AKAP13: variants seen among roughly 807,000 people sequenced by gnomAD.
AKAP13 encodes A-kinase anchoring protein 13.
AKAP13 carries 80 observed loss-of-function variants against 264.5 expected under a neutral mutation model. That is an observed-to-expected ratio of 0.30 (90% confidence interval 0.25 to 0.36). The LOEUF (loss-of-function observed/expected upper bound fraction) is 0.36, where lower values mean the gene tolerates loss of function less well. Ranked by LOEUF, AKAP13 falls within the 10% of genes least tolerant of loss-of-function variation. The probability of loss-of-function intolerance (pLI) is 1.00; values close to 1 mark genes in which losing one functional copy is unlikely to be tolerated. For missense variants in AKAP13, 3,712 were observed against 3,435.2 expected (o/e 1.08, Z -2.01); for synonymous variants, 1,380 against 1,250.2 (o/e 1.10, Z -2.19).
At chr15:85,425,298 A>G (rs573714382) in intron 1 of AKAP13, among the ~76,000 whole-genome samples, 45 of 152,338 alleles carry the variant, frequency 3.0e-4, no homozygotes, top group African/African-American at 1.1e-3. Flanking sequence ...TTTGTTATGT[A>G]TAAAAAGCCT....
intron 5 of AKAP13, among the ~76,000 whole-genome samples, chr15:85,572,353 G>C (rs147286876): frequency 2.0e-5 from 3 of 152,156 alleles, no homozygotes; most frequent in African/African-American, 7.2e-5. Flanking sequence ...GTCAATGTAG[G>C]CTTGAAAGCT....
At chr15:85,632,391 A>G (rs1476460706) in intron 8 of AKAP13, among the ~76,000 whole-genome samples, 2 of 152,178 alleles carry the variant, frequency 1.3e-5, no homozygotes, top group Admixed American at 1.3e-4. Context: ...TGACTGAGAC[A>G]TTATCTTTAT....
chr15:85,429,846 T>C (rs1882368615), intron 1 of AKAP13, among the ~76,000 whole-genome samples: 1 of 152,228 alleles, frequency 6.6e-6, no homozygotes, highest in Non-Finnish European at 1.5e-5. Flanking sequence ...TTTATTTCTT[T>C]AGTTCTCCAA....
chr15:85,481,831 T>C (rs2075362257), intron 1 of AKAP13, among the ~76,000 whole-genome samples: 1 of 152,248 alleles, frequency 6.6e-6, no homozygotes, highest in Non-Finnish European at 1.5e-5. Context: ...AGTGAACTTG[T>C]GAATTTGCTC....
intron 34 of AKAP13, among the ~76,000 whole-genome samples, chr15:85,740,823 A>C (rs369990991): frequency 8.1e-6 from 1 of 123,584 alleles, no homozygotes; most frequent in African/African-American, 3.0e-5. Flanking sequence ...ACAGCATGCA[A>C]CCAGATTGAC....
At position 85,715,603 on chromosome 15, in the gene AKAP13, C is replaced by G. The variant is rs2086886865; in HGVS notation, c.5600-185C>G. ...TTGTTATTTGTCAGATGGGTCAGTA[C>G]CAGGTGGAGCTGGATGGGTGATGCT... On this transcript the variant is annotated intron_variant, in intron 19 of 36. Transcript: ENST00000394518. Among the ~76,000 whole-genome samples, 6 of 150,374 alleles carry G rather than the reference C, an allele frequency of 4.0e-5. No homozygotes were observed. The Admixed American group carries it at 4.0e-4, about 10-fold the overall frequency.
intron 20 of AKAP13, among the ~76,000 whole-genome samples, chr15:85,716,196 A>C (rs1433483088): frequency 1.3e-5 from 2 of 152,118 alleles, no homozygotes; most frequent in African/African-American, 2.4e-5. Context: ...TGAGTTCTAA[A>C]AAGATGATTT....
At chr15:85,634,033 T>C (rs1192638730) in intron 8 of AKAP13, among the ~76,000 whole-genome samples, 2 of 152,218 alleles carry the variant, frequency 1.3e-5, no homozygotes, top group Non-Finnish European at 2.9e-5. Context: ...CAGGATTACT[T>C]TTAAATTTTT....
rs118008454 is a variant in AKAP13, at chr15:85,521,931, A to G, written c.181+356A>G. Among the ~76,000 whole-genome samples, 1,517 of 152,318 alleles carry G rather than the reference A, an allele frequency of 1.0e-2. 14 individuals carry two copies. The highest frequency in any genetic ancestry group is 0.046 in the South Asian group (220 of 4,826). On this transcript the variant is annotated intron_variant, in intron 3 of 36. Coordinates refer to ENST00000394518, the MANE Select transcript of AKAP13 (RefSeq NM_007200.5). ...AAGATTCTAGAGAGTCTCTAGGTATATTATTGCCAAATTTTTATGGACAGG... is the reference window on the plus strand; with the variant it reads ...AAGATTCTAGAGAGTCTCTAGGTATGTTATTGCCAAATTTTTATGGACAGG...
At chr15:85,660,718 G>C (rs2083306459) in intron 12 of AKAP13, among the ~76,000 whole-genome samples, 1 of 152,264 alleles carries the variant, frequency 6.6e-6, no homozygotes, top group East Asian at 1.9e-4. Flanking sequence ...AATTATGTCA[G>C]TGTCATCCCA....
At chr15:85,512,204 T>C (rs546713911) in intron 2 of AKAP13, among the ~76,000 whole-genome samples, 3 of 152,276 alleles carry the variant, frequency 2.0e-5, no homozygotes, top group Admixed American at 2.0e-4. Context: ...AAAAAGACAG[T>C]TTTTGCTTTC....
At chr15:85,616,261 A>T (rs1390865359) in intron 8 of AKAP13, among the ~76,000 whole-genome samples, 3 of 152,236 alleles carry the variant, frequency 2.0e-5, no homozygotes, top group Non-Finnish European at 2.9e-5. Flanking sequence ...CCCTAACTGG[A>T]ACTAAAGCAG....
chr15:85,601,944 T>A (rs1035541330), intron 8 of AKAP13, among the ~76,000 whole-genome samples: 1 of 152,118 alleles, frequency 6.6e-6, no homozygotes, highest in African/African-American at 2.4e-5. Context: ...TTGTTTTAAT[T>A]TCTGACTTAA....
In AKAP13 at chr15:85,727,589, C is replaced by A; in HGVS notation, c.7087+126C>A. ...AGCTGCCCCAGCAGGCACTTGAAAG[C>A]AGCAAAATGAATAGCTGTTAACAAA... On this transcript the variant is annotated intron_variant, in intron 29 of 36. Transcript: ENST00000394518. This position sits in a 1 kb window ranked among gnomAD's most constrained non-coding sequence, Gnocchi z 5.3. 1.0e-6 allele frequency: 1 copy of A among 961,834 alleles called. No individual in the cohort carries two copies. The highest frequency in any genetic ancestry group is 2.5e-5 in the Admixed American group (1 of 40,416). The allele number at this position is 961,834 out of a possible 1,614,324, so 59.6% of individuals were successfully genotyped here.
At chr15:85,653,388 G>A (rs2082950912) in intron 10 of AKAP13, among the ~76,000 whole-genome samples, 1 of 152,168 alleles carries the variant, frequency 6.6e-6, no homozygotes, top group Admixed American at 6.5e-5. Flanking sequence ...CTGGACCTCA[G>A]TTTGACCTGT....
chr15:85,743,093 G>T (rs1326160955), intron 35 of AKAP13, among the ~76,000 whole-genome samples: 1 of 152,120 alleles, frequency 6.6e-6, no homozygotes, highest in Non-Finnish European at 1.5e-5. Context: ...ACCGGAACAG[G>T]CTTCTATAAT....
Position 85,735,541 on chromosome 15 carries a change from A to T in AKAP13, c.7442-19A>T, listed in dbSNP as rs760485524. The T allele has an allele frequency of 6.5e-7, 1 of 1,547,712 alleles. No individual in the cohort carries two copies. Among genetic ancestry groups the T allele is most frequent in the Non-Finnish European group, 8.7e-7 (1 of 1,150,072 alleles). On this transcript the variant is annotated intron_variant, in intron 31 of 36. Coordinates refer to ENST00000394518, the MANE Select transcript of AKAP13 (RefSeq NM_007200.5). ...GTTTCACAACTTTAAAAAAAAAAAC[A>T]ACCCTATTTTTTGTTTAGGAGGCGA...
At chr15:85,676,937 C>G (rs897216919) in intron 14 of AKAP13, 8 of 985,314 alleles carry the variant, frequency 8.1e-6, no homozygotes, top group African/African-American at 1.7e-5. Context: ...TGGCATAATC[C>G]GAGCATGCTC....
chr15:85,394,502 T>C (rs1285471615), intron 1 of AKAP13, among the ~76,000 whole-genome samples: 1 of 152,236 alleles, frequency 6.6e-6, no homozygotes, highest in Non-Finnish European at 1.5e-5. Flanking sequence ...GAATGGAGCA[T>C]GCATGTTAAT....
Sources: gnomAD v4.1 joint callset for allele counts (sites outside exome capture counted in the v4.1 genomes callset) on GRCh38, gnomAD v4.1.1 for gene constraint, Gnocchi (gnomAD v3.1) non-coding constraint, MANE v1.5 for transcripts, NCBI Gene and HGNC (gene_info 2026-07-23, HGNC 2026-07-21) for gene names.